AP1AR: variants seen among roughly 807,000 people sequenced by gnomAD.
AP1AR encodes the protein AP-1 complex-associated regulatory protein.
AP1AR carries 29 observed loss-of-function variants against 46.3 expected under a neutral mutation model. That is an observed-to-expected ratio of 0.63 (90% confidence interval 0.47 to 0.85). AP1AR has a LOEUF of 0.85. AP1AR is among the 40% of genes least tolerant of loss of function. The probability of loss-of-function intolerance (pLI) is 0.00; values close to 1 mark genes in which losing one functional copy is unlikely to be tolerated. For synonymous variants in AP1AR, 122 were observed against 122.9 expected (o/e 0.99, Z 0.05); for missense variants, 357 against 356.3 (o/e 1.00, Z -0.02).
chr4:112,257,775 G>A lies in AP1AR; in HGVS notation c.163G>A (p.Glu55Lys). ...FENLVESDEG[E>K]SPGSSHRPLT... is the part of the protein sequence containing the mutation. Reference sequence around the variant, plus strand: ...TGTTTAATTAATTTTTGTACAGGGGGAGAGCCCAGGAAGCAGTCATAGGTA... The same window carrying A: ...TGTTTAATTAATTTTTGTACAGGGGAAGAGCCCAGGAAGCAGTCATAGGTA... Residue 55 changes from glutamate to lysine, a missense_variant, in exon 4 of 10, where the codon GAG (glutamate) becomes AAG (lysine). By Grantham distance (56) the Glu-to-Lys change is moderately conservative. Around this residue, in one of 2 missense-constraint regions of AP1AR, gnomAD observed 269 missense variants for 223.6 expected, o/e 1.20. Transcript: ENST00000274000. 1 of 1,562,640 alleles carries A rather than the reference G, an allele frequency of 6.4e-7. No homozygotes were observed. The highest frequency in any genetic ancestry group is 8.6e-7 in the Non-Finnish European group (1 of 1,158,544).
At chr4:112,256,817 T>C (rs1246640059) in intron 3 of AP1AR, among the ~76,000 whole-genome samples, 1 of 152,240 alleles carries the variant, frequency 6.6e-6, no homozygotes. Context: ...TTCTCATTAT[T>C]GTATTTAAGT....
In AP1AR at chr4:112,245,914, A is replaced by G. The variant is rs541368025; in HGVS notation, c.84-7294A>G. 2.6e-5 allele frequency among the ~76,000 whole-genome samples: 4 copies of G among 152,206 alleles called. No individual in the cohort carries two copies. In the South Asian group the frequency reaches 8.3e-4, roughly 32 times the overall value. On this transcript the variant is annotated intron_variant, in intron 1 of 9. Coordinates refer to ENST00000274000, the MANE Select transcript of AP1AR (RefSeq NM_018569.6). ...AATTGAGAGTCAGCTTTTGTAATAGATATTGCTGCTTTTGCTCATTTTGCT... is the reference window on the plus strand; with the variant it reads ...AATTGAGAGTCAGCTTTTGTAATAGGTATTGCTGCTTTTGCTCATTTTGCT...
At chr4:112,234,461 T>C (rs1369467128) in intron 1 of AP1AR, among the ~76,000 whole-genome samples, 1 of 152,200 alleles carries the variant, frequency 6.6e-6, no homozygotes, top group Non-Finnish European at 1.5e-5. Context: ...GTGGACACTG[T>C]CATCTAAAAT....
Position 112,233,108 on chromosome 4 carries a change from T to G in AP1AR, c.83+934T>G, listed in dbSNP as rs140839028. Among the ~76,000 whole-genome samples the G allele has an allele frequency of 8.5e-5, 13 of 152,346 alleles. No individual in the cohort carries two copies. The East Asian group carries it at 2.3e-3, about 27-fold the overall frequency. On this transcript the variant is annotated intron_variant, in intron 1 of 9. Transcript: ENST00000274000. ...GTAAGGACTAAGACTGTTTTGCACT[T>G]TCTGAAACAGATTGCTAATTTTTCA... is the stretch of plus-strand genomic sequence containing the variant.
At chr4:112,253,656 T>A (rs1315404075) in intron 2 of AP1AR, among the ~76,000 whole-genome samples, 1 of 152,168 alleles carries the variant, frequency 6.6e-6, no homozygotes, top group Non-Finnish European at 1.5e-5. Flanking sequence ...GAATGTAAAA[T>A]ATAATAATAG....
chr4:112,247,573 T>TC (rs1725778067), intron 1 of AP1AR, among the ~76,000 whole-genome samples: 1 of 152,194 alleles, frequency 6.6e-6, no homozygotes, highest in Non-Finnish European at 1.5e-5. Flanking sequence ...CCTTGATTTT[T>TC]CCTTTTTACA....
chr4:112,245,580 T>C (rs576579064), intron 1 of AP1AR, among the ~76,000 whole-genome samples: 1 of 152,352 alleles, frequency 6.6e-6, no homozygotes, highest in African/African-American at 2.4e-5. Flanking sequence ...AGTTGCTCAA[T>C]AGCCCCTTGT....
intron 1 of AP1AR, among the ~76,000 whole-genome samples, chr4:112,241,438 G>A (rs1448705814): frequency 6.6e-6 from 1 of 152,216 alleles, no homozygotes; most frequent in Non-Finnish European, 1.5e-5. Flanking sequence ...GGTCGTGTAA[G>A]TCTCAGTTCA....
chr4:112,237,978 G>C (rs191947546), intron 1 of AP1AR, among the ~76,000 whole-genome samples: 1 of 150,546 alleles, frequency 6.6e-6, no homozygotes, highest in African/African-American at 2.4e-5. Context: ...TTGGCAGGTG[G>C]TATGGTCTGT....
chr4:112,262,662 A>C (rs1001200788), intron 5 of AP1AR, among the ~76,000 whole-genome samples: 2 of 152,326 alleles, frequency 1.3e-5, no homozygotes, highest in East Asian at 3.9e-4. Context: ...CCGGCAAACT[A>C]GTGAGGGTGA....
In AP1AR at chr4:112,268,870, A is replaced by G. The variant is rs1395218152; in HGVS notation, c.*461A>G. The stretch of plus-strand genomic sequence containing the variant: ...TTAGAATAGTGTTCCCGTTTCCAGC[A>G]TTATTTATTTCTATGACTTCTTTGG... On this transcript the variant is annotated 3_prime_UTR_variant, in exon 10 of 10. Coordinates refer to ENST00000274000, the MANE Select transcript of AP1AR (RefSeq NM_018569.6). 1 of 152,334 alleles carries G rather than the reference A, an allele frequency of 6.6e-6. No homozygotes were observed. Among genetic ancestry groups the G allele is most frequent in the Non-Finnish European group, 1.5e-5 (1 of 68,190 alleles). The allele number at this position is 152,334 out of a possible 1,614,324, so 9.4% of individuals were successfully genotyped here.
chr4:112,246,973 C>T (rs1725751228), intron 1 of AP1AR, among the ~76,000 whole-genome samples: 1 of 152,136 alleles, frequency 6.6e-6, no homozygotes, highest in Non-Finnish European at 1.5e-5. Context: ...TACAGGAGCC[C>T]TTCTGTTTCC....
intron 1 of AP1AR, among the ~76,000 whole-genome samples, 158 bp from the exon 2 acceptor site, chr4:112,253,050 A>G (rs927282606): frequency 6.6e-6 from 1 of 152,192 alleles, no homozygotes; most frequent in Admixed American, 6.5e-5. Context: ...TGGACTTTTT[A>G]TAGTCTTAGG....
At chr4:112,244,753 T>C (rs1035564941) in intron 1 of AP1AR, among the ~76,000 whole-genome samples, 3 of 152,188 alleles carry the variant, frequency 2.0e-5, no homozygotes, top group Non-Finnish European at 4.4e-5. Context: ...TGTTGTTGTT[T>C]CCTATGGTAC....
chr4:112,266,855 T>A, intron 9 of AP1AR, 139 bp downstream of exon 9: 1 of 730,258 alleles, frequency 1.4e-6, no homozygotes, highest in East Asian at 3.2e-5. Flanking sequence ...AGACCATTAT[T>A]GTATTGGTGA....
At chr4:112,249,684 A>G (rs978590668) in intron 1 of AP1AR, among the ~76,000 whole-genome samples, 1 of 151,996 alleles carries the variant, frequency 6.6e-6, no homozygotes, top group Non-Finnish European at 1.5e-5. Flanking sequence ...ATAATTTTTT[A>G]TAGATTTAGG....
At chr4:112,260,711 A>G in intron 4 of AP1AR, 55 bp from the exon 5 acceptor site, 1 of 1,165,586 alleles carries the variant, frequency 8.6e-7, no homozygotes, top group East Asian at 2.5e-5. Flanking sequence ...ATTTGGACTT[A>G]GACTCATCAG....
Position 112,237,679 on chromosome 4 carries a change from G to A in AP1AR, c.83+5505G>A, listed in dbSNP as rs560689802. Among the ~76,000 whole-genome samples, 5 of 151,190 alleles carry A rather than the reference G, an allele frequency of 3.3e-5. No homozygotes were observed. In the South Asian group the frequency reaches 1.0e-3, roughly 32 times the overall value. ...TCACCATGTTGCCCATGCTGGTCTC[G>A]AACTCCTGAACTCAAGTGATCTGCA... is the stretch of plus-strand genomic sequence containing the variant. On this transcript the variant is annotated intron_variant, in intron 1 of 9. Transcript: ENST00000274000.
intron 1 of AP1AR, among the ~76,000 whole-genome samples, chr4:112,247,386 G>A (rs1725769982): frequency 6.6e-6 from 1 of 152,218 alleles, no homozygotes; most frequent in South Asian, 2.1e-4. Context: ...TTTTTGGGCT[G>A]ATGTTTATGT....
Sources: allele counts gnomAD v4.1 joint callset (sites outside exome capture counted in the v4.1 genomes callset), GRCh38; gene constraint gnomAD v4.1.1; regional missense constraint gnomAD v4.1.1; transcripts MANE v1.5; gene names NCBI Gene and HGNC (gene_info 2026-07-23, HGNC 2026-07-21).